Variants in LATS2 observed in about 807,000 individuals in gnomAD.
LATS2 encodes the protein serine/threonine-protein kinase LATS2.
LATS2 carries 24 observed loss-of-function variants against 76.0 expected under a neutral mutation model. The ratio of observed to expected loss-of-function variants is 0.32; its 90% CI spans 0.23 to 0.44. LATS2 has a LOEUF of 0.44. Among genes scored for constraint, LATS2 ranks in the 20% least tolerant of loss-of-function variants. The pLI is 1.00. For synonymous variants in LATS2, 692 were observed against 635.4 expected (o/e 1.09, Z -1.34); for missense variants, 1,286 against 1,481.2 (o/e 0.87, Z 2.16).
At chr13:21,027,911 TTTA>T (rs1872369401) in intron 2 of LATS2, among the ~76,000 whole-genome samples, 1 of 152,106 alleles carries the variant, frequency 6.6e-6, no homozygotes, top group South Asian at 2.1e-4. Flanking sequence ...TCTCCATTTA[TTTA>T]TTTATTAATT....
intron 2 of LATS2, among the ~76,000 whole-genome samples, chr13:21,015,886 A>T (rs1871778383): frequency 6.6e-6 from 1 of 151,322 alleles, no homozygotes. Context: ...TTTTGTAGAC[A>T]TGGGGTTTCA....
At position 20,973,497 on chromosome 13, in the gene LATS2, G is replaced by A; in HGVS notation, c.*1373C>T. The A allele has an allele frequency of 4.6e-6, 1 of 216,748 alleles. No homozygotes were observed. Among genetic ancestry groups the A allele is most frequent in the Non-Finnish European group, 8.8e-6 (1 of 113,110 alleles). 13.4% of individuals were successfully genotyped at this position (216,748 alleles called of 1,614,324 possible). On this transcript the variant is annotated 3_prime_UTR_variant, in exon 8 of 8. Coordinates refer to ENST00000382592, the MANE Select transcript of LATS2 (RefSeq NM_014572.3). Reference sequence around the variant, plus strand: ...AGGAATCATACTAATTTGAAATAAGGAATATTGTGTTTATCTCTGTGTGTG... The same window carrying A: ...AGGAATCATACTAATTTGAAATAAGAAATATTGTGTTTATCTCTGTGTGTG...
At chr13:21,037,820 C>G (rs936815226) in intron 2 of LATS2, among the ~76,000 whole-genome samples, 1 of 152,012 alleles carries the variant, frequency 6.6e-6, no homozygotes, top group African/African-American at 2.4e-5. Context: ...TGGTCAGGAC[C>G]AGGGCGGGTA....
chr13:21,026,906 CT>C (rs1400817381), intron 2 of LATS2, among the ~76,000 whole-genome samples: 1 of 152,182 alleles, frequency 6.6e-6, no homozygotes, highest in Non-Finnish European at 1.5e-5. Flanking sequence ...GACCTTTATA[CT>C]TTAGCCTTTC....
At chr13:21,019,307 A>G (rs1165888329) in intron 2 of LATS2, among the ~76,000 whole-genome samples, 68 of 75,424 alleles carry the variant, frequency 9.0e-4, no homozygotes, top group African/African-American at 3.5e-3. Flanking sequence ...TGTTATTATT[A>G]TTATTATTAT....
chr13:21,047,988 G>A (rs184988977), intron 1 of LATS2, among the ~76,000 whole-genome samples: 2 of 152,220 alleles, frequency 1.3e-5, no homozygotes, highest in East Asian at 1.9e-4. Context: ...ATATAATATA[G>A]TAAAGTCACT....
At position 21,015,010 on chromosome 13, in the gene LATS2, G is replaced by A. The variant is rs147767071; in HGVS notation, c.343-23606C>T. On this transcript the variant is annotated intron_variant, in intron 2 of 7. Transcript: ENST00000382592. ...GGCCAGGCCTAGTGCGCTCACCGCC[G>A]TATCCCTGGGGTCCAACACATGGCC... Among the ~76,000 whole-genome samples the A allele has an allele frequency of 7.7e-4, 117 of 152,328 alleles. 2 individuals are homozygous for A. Among genetic ancestry groups the A allele is most frequent in the African/African-American group, 2.3e-3 (96 of 41,582 alleles).
Position 20,979,643 on chromosome 13 carries a change from C to T in LATS2, c.2772+48G>A, listed in dbSNP as rs1315476700. Reference sequence around the variant, plus strand: ...GACCAAAGATTCATGGGTACATGAGCAAATCAGATGTCTACAGCAAGCAGA... The same window carrying T: ...GACCAAAGATTCATGGGTACATGAGTAAATCAGATGTCTACAGCAAGCAGA... On this transcript the variant is annotated intron_variant, in intron 7 of 7. Transcript: ENST00000382592. 7.7e-6 allele frequency: 8 copies of T among 1,035,024 alleles called. No homozygotes were observed. In the East Asian group the frequency reaches 1.7e-4, roughly 22 times the overall value. 64.1% of individuals were successfully genotyped at this position (1,035,024 alleles called of 1,614,324 possible).
chr13:21,051,601 C>A (rs1055911723), intron 1 of LATS2, among the ~76,000 whole-genome samples: 2 of 152,118 alleles, frequency 1.3e-5, no homozygotes, highest in African/African-American at 4.8e-5. Flanking sequence ...CCTGTCTGGG[C>A]AATGCGGCCC....
At chr13:21,037,811 G>A (rs1485169655) in intron 2 of LATS2, among the ~76,000 whole-genome samples, 1 of 145,630 alleles carries the variant, frequency 6.9e-6, no homozygotes, top group Non-Finnish European at 1.5e-5. Flanking sequence ...GGGCCAGGGT[G>A]GTCAGGACCA....
At chr13:21,010,404 G>T (rs1871545218) in intron 2 of LATS2, among the ~76,000 whole-genome samples, 1 of 151,792 alleles carries the variant, frequency 6.6e-6, no homozygotes, top group Admixed American at 6.6e-5. Context: ...TCACCCTACA[G>T]CAAAGCCCCC....
chr13:20,986,152 G>A (rs1386739595), intron 4 of LATS2, among the ~76,000 whole-genome samples: 1 of 152,170 alleles, frequency 6.6e-6, no homozygotes, highest in East Asian at 1.9e-4. Flanking sequence ...TCAGGGAAAT[G>A]CAAATGAAAA....
intron 7 of LATS2, among the ~76,000 whole-genome samples, chr13:20,978,520 C>CA (rs1949056214): frequency 6.6e-6 from 1 of 152,170 alleles, no homozygotes; most frequent in Non-Finnish European, 1.5e-5. Context: ...ACATAGCTGA[C>CA]AGTTTGCGAA....
At chr13:21,032,881 G>A (rs1020955534) in intron 2 of LATS2, among the ~76,000 whole-genome samples, 3 of 152,166 alleles carry the variant, frequency 2.0e-5, no homozygotes, top group Non-Finnish European at 2.9e-5. Context: ...CAGCATGAGC[G>A]AACCCAGTGT....
chr13:20,981,745 A>G (rs1357771004), intron 5 of LATS2, 97 bp from the exon 6 acceptor site: 6 of 1,027,036 alleles, frequency 5.8e-6, no homozygotes, highest in Middle Eastern at 2.2e-4. Context: ...TTAAAACAGC[A>G]AAGTCATTCC....
At chr13:21,053,128 G>C (rs1163220197) in intron 1 of LATS2, among the ~76,000 whole-genome samples, 3 of 151,344 alleles carry the variant, frequency 2.0e-5, no homozygotes, top group Non-Finnish European at 2.9e-5. Context: ...CCAGCTACTA[G>C]GGAGGCTGAG....
At chr13:21,035,843 C>G (rs1039123251) in intron 2 of LATS2, among the ~76,000 whole-genome samples, 19 of 152,206 alleles carry the variant, frequency 1.2e-4, no homozygotes, top group African/African-American at 4.1e-4. Context: ...AGGACCTGCG[C>G]CACTCACAAA....
At chr13:21,044,471 A>T (rs1343649448) in intron 2 of LATS2, among the ~76,000 whole-genome samples, 2 of 152,228 alleles carry the variant, frequency 1.3e-5, no homozygotes, top group Non-Finnish European at 2.9e-5. Context: ...TTTCCGCTTC[A>T]TGCAACTGTA....
In LATS2 at chr13:21,059,240, G is replaced by A. The variant is rs1038411037; in HGVS notation, c.-205+2106C>T. Among the ~76,000 whole-genome samples the A allele has an allele frequency of 3.9e-5, 6 of 152,228 alleles. No individual in the cohort carries two copies. The East Asian group carries it at 5.8e-4, about 15-fold the overall frequency. Reference sequence around the variant, plus strand: ...CAGCTATTAATTTGAATTTTTTACCGGCCAAATGTATACTCTATGGCTTAG... The same window carrying A: ...CAGCTATTAATTTGAATTTTTTACCAGCCAAATGTATACTCTATGGCTTAG... On this transcript the variant is annotated intron_variant, in intron 1 of 7. Coordinates refer to ENST00000382592, the MANE Select transcript of LATS2 (RefSeq NM_014572.3).
Sources: gnomAD v4.1 joint callset for allele counts (sites outside exome capture counted in the v4.1 genomes callset) on GRCh38, gnomAD v4.1.1 for gene constraint, MANE v1.5 for transcripts, NCBI Gene and HGNC (gene_info 2026-07-23, HGNC 2026-07-21) for gene names.